Variants in TAB1 observed in about 807,000 individuals in gnomAD.
TAB1 encodes the protein TGF-beta-activated kinase 1 and MAP3K7-binding protein 1.
TAB1 carries 30 observed loss-of-function variants against 54.5 expected under a neutral mutation model. The observed-to-expected ratio is 0.55, with a 90% CI of 0.41 to 0.75. The LOEUF (loss-of-function observed/expected upper bound fraction) is 0.75. Among genes scored for constraint, TAB1 ranks in the 30% least tolerant of loss-of-function variants. TAB1 has a pLI of 0.00. For missense variants in TAB1, 609 were observed against 683.2 expected, an observed-to-expected ratio of 0.89 and a Z score of 1.21; for synonymous variants, 289 against 286.9, an observed-to-expected ratio of 1.01 and a Z score of -0.07.
Position 39,428,055 on chromosome 22 carries a change from A to G in TAB1, c.1179A>G (p.Pro393=). ...GACGAGTGTACCCTGTGTCTGTGCC[A>G]TACTCCAGCGCCCAGAGCACCAGCA... ...AGGRVYPVSV[P]YSSAQSTSKT... is the part of the protein sequence containing the mutation. The change falls in exon 10 of 11, where the codon CCA becomes CCG. Residue 393 remains proline, a synonymous_variant. Coordinates refer to ENST00000216160, the MANE Select transcript of TAB1 (RefSeq NM_006116.3). 6.2e-7 allele frequency: 1 copy of G among 1,612,762 alleles called. No homozygotes were observed. The highest frequency in any genetic ancestry group is 8.5e-7 in the Non-Finnish European group (1 of 1,178,982).
chr22:39,425,282 G>A lies in TAB1; in HGVS notation c.922-1421G>A, dbSNP rs1958509182. Among the ~76,000 whole-genome samples the A allele has an allele frequency of 2.0e-5, 3 of 152,084 alleles. No individual in the cohort carries two copies. In the South Asian group the frequency reaches 6.2e-4, roughly 32 times the overall value. On this transcript the variant is annotated intron_variant, in intron 8 of 10. Transcript: ENST00000216160. ...GCCTGTAATCCTAGCTACTCGGGAG[G>A]CTGAGGCGGGAGAATTCTTGAACCT...
intron 1 of TAB1, among the ~76,000 whole-genome samples, chr22:39,402,124 G>A (rs1440416692): frequency 6.6e-6 from 1 of 152,084 alleles, no homozygotes; most frequent in Non-Finnish European, 1.5e-5. Flanking sequence ...CCAAGCAGAG[G>A]AGAGGAGGGC....
intron 7 of TAB1, among the ~76,000 whole-genome samples, chr22:39,421,380 A>G (rs1035451029): frequency 6.6e-6 from 1 of 152,086 alleles, no homozygotes. Flanking sequence ...GTTGGCATGT[A>G]ATGACTCTGA....
At chr22:39,414,872 T>A (rs1435387778) in intron 1 of TAB1, 134 bp from the exon 2 acceptor site, 2 of 937,794 alleles carry the variant, frequency 2.1e-6, no homozygotes, top group Non-Finnish European at 3.2e-6. Context: ...AACATTATTG[T>A]TTTCCAGAAG....
chr22:39,411,799 A>G (rs1273786598), intron 1 of TAB1, among the ~76,000 whole-genome samples: 1 of 152,230 alleles, frequency 6.6e-6, no homozygotes, highest in African/African-American at 2.4e-5. Context: ...ATATTTCTTC[A>G]TAGTTATAAG....
chr22:39,408,196 T>C (rs1198425913), intron 1 of TAB1, among the ~76,000 whole-genome samples: 1 of 152,232 alleles, frequency 6.6e-6, no homozygotes, highest in Non-Finnish European at 1.5e-5. Flanking sequence ...TACTTAGCAG[T>C]GTTGAAATAT....
At chr22:39,426,314 C>T (rs1569201534) in intron 8 of TAB1, among the ~76,000 whole-genome samples, 1 of 152,238 alleles carries the variant, frequency 6.6e-6, no homozygotes, top group East Asian at 1.9e-4. Context: ...GCATGTATAA[C>T]ATCGCCTACA....
At chr22:39,401,034 CAA>C (rs566248298) in intron 1 of TAB1, among the ~76,000 whole-genome samples, 314 of 45,656 alleles carry the variant, frequency 6.9e-3, no homozygotes, top group African/African-American at 0.021. Context: ...GACTGTGTCT[CAA>C]AAAAAAAAAA....
chr22:39,406,103 G>T (rs1377332923), intron 1 of TAB1, among the ~76,000 whole-genome samples: 1 of 152,138 alleles, frequency 6.6e-6, no homozygotes, highest in Non-Finnish European at 1.5e-5. Flanking sequence ...GTGAAATAAG[G>T]TAATCTAATT....
intron 8 of TAB1, among the ~76,000 whole-genome samples, chr22:39,425,146 G>A (rs1426311395): frequency 6.6e-6 from 1 of 151,676 alleles, no homozygotes; most frequent in Non-Finnish European, 1.5e-5. Flanking sequence ...GCTGAGGCGG[G>A]AAGATCACTT....
chr22:39,432,172 G>A (rs3752469), downstream of TAB1, among the ~76,000 whole-genome samples: 261 of 152,368 alleles, frequency 1.7e-3, 6 homozygotes, highest in East Asian at 0.043. Context: ...CTGGCCCATG[G>A]CCAGTGGCAG....
Position 39,430,491 on chromosome 22 carries a change from A to AG in TAB1, c.*271dup, listed in dbSNP as rs1260904623. 1 of 1,351,982 alleles carries AG rather than the reference A, an allele frequency of 7.4e-7. No homozygotes were observed. The highest frequency in any genetic ancestry group is 9.6e-7 in the Non-Finnish European group (1 of 1,046,606). The allele number at this position is 1,351,982 out of a possible 1,614,324, so 83.7% of individuals were successfully genotyped here. On this transcript the variant is annotated 3_prime_UTR_variant, in exon 11 of 11. Coordinates refer to ENST00000216160, the MANE Select transcript of TAB1 (RefSeq NM_006116.3). ...TCGCCCTTTCTCAGAGCAGAGGGCC[A>AG]GGTATAGAAACCGCAGTGGGCCTGC...
chr22:39,399,821 A>G lies in TAB1; in HGVS notation c.19A>G (p.Ser7Gly). The change falls in exon 1 of 11, where the codon AGC becomes GGC. Residue 7 changes from serine to glycine, a missense_variant. Coordinates refer to ENST00000216160, the MANE Select transcript of TAB1 (RefSeq NM_006116.3). ...CTCCAAGATGGCGGCGCAGAGGAGG[A>G]GCTTGCTGCAGAGTGTGAGGAACAG... MAAQRR[S>G]LLQSEQQPSW... The G allele has an allele frequency of 6.3e-7, 1 of 1,597,220 alleles. No homozygotes were observed. Among genetic ancestry groups the G allele is most frequent in the Non-Finnish European group, 8.5e-7 (1 of 1,172,402 alleles).
intron 10 of TAB1, chr22:39,429,298 G>A (rs961976143): frequency 4.1e-6 from 4 of 985,258 alleles, no homozygotes; most frequent in Admixed American, 6.1e-5. Flanking sequence ...AAGACACCTT[G>A]CCCGCCCTGC....
intron 8 of TAB1, 40 bp downstream of exon 8, chr22:39,422,011 GC>G (rs1297983381): frequency 1.3e-5 from 20 of 1,486,978 alleles, no homozygotes; most frequent in Non-Finnish European, 1.8e-5. Context: ...GGAGAGCGTG[GC>G]TGGCCTGCAT....
Position 39,431,350 on chromosome 22 carries a change from C to T in TAB1, c.*1128C>T, listed in dbSNP as rs996312492. On this transcript the variant is annotated 3_prime_UTR_variant, in exon 11 of 11. Transcript: ENST00000216160. ...CACTCCTGTTTCAGAGGAAGCAGGC[C>T]GAGAGACTTGCACCTTGGCCAAGCC... is the stretch of plus-strand genomic sequence containing the variant. The T allele has an allele frequency of 3.0e-6, 3 of 985,380 alleles. No homozygotes were observed. Among genetic ancestry groups the T allele is most frequent in the African/African-American group, 3.5e-5 (2 of 57,194 alleles). The allele number at this position is 985,380 out of a possible 1,614,324, so 61.0% of individuals were successfully genotyped here.
At chr22:39,424,508 A>G (rs1399171353) in intron 8 of TAB1, among the ~76,000 whole-genome samples, 1 of 140,858 alleles carries the variant, frequency 7.1e-6, no homozygotes, top group Non-Finnish European at 1.5e-5. Flanking sequence ...GCAGTGGTGC[A>G]ATCTCGGCTC....
At chr22:39,425,200 C>T (rs1927266232) in intron 8 of TAB1, among the ~76,000 whole-genome samples, 1 of 151,144 alleles carries the variant, frequency 6.6e-6, no homozygotes, top group Non-Finnish European at 1.5e-5. Context: ...CGGTGAAACC[C>T]CATCTCTACT....
intron 8 of TAB1, among the ~76,000 whole-genome samples, chr22:39,424,048 G>C (rs1025628564): frequency 4.6e-5 from 7 of 152,056 alleles, no homozygotes; most frequent in African/African-American, 1.7e-4. Context: ...ATATCACTCT[G>C]TATGCCTGTG....
Sources: gnomAD v4.1 joint callset for allele counts (sites outside exome capture counted in the v4.1 genomes callset) on GRCh38, gnomAD v4.1.1 for gene constraint, MANE v1.5 for transcripts, NCBI Gene and HGNC (gene_info 2026-07-23, HGNC 2026-07-21) for gene names.